EEA1: variants seen among roughly 807,000 people sequenced by gnomAD.
EEA1 encodes early endosome antigen 1, 162kD.
A neutral mutation model predicts 209.2 loss-of-function variants in EEA1; 111 were observed. The observed-to-expected ratio is 0.53, with a 90% CI of 0.45 to 0.62. The LOEUF (loss-of-function observed/expected upper bound fraction) is 0.62, where lower values mean the gene tolerates loss of function less well. Among genes scored for constraint, EEA1 ranks in the 20% least tolerant of loss-of-function variants. EEA1 has a pLI of 0.00. For missense variants in EEA1, 1,343 were observed against 1,530.8 expected, an observed-to-expected ratio of 0.88 and a Z score of 2.05; for synonymous variants, 536 against 540.6, an observed-to-expected ratio of 0.99 and a Z score of 0.12.
intron 9 of EEA1, among the ~76,000 whole-genome samples, chr12:92,848,281 G>A (rs1443115162): frequency 6.6e-6 from 1 of 150,584 alleles, no homozygotes; most frequent in Non-Finnish European, 1.5e-5. Flanking sequence ...TGCAGGAGGA[G>A]ACGATGGAGG....
chr12:92,832,386 TAA>T, intron 11 of EEA1, 124 bp downstream of exon 11: 3 of 913,338 alleles, frequency 3.3e-6, no homozygotes, highest in African/African-American at 3.4e-5. Context: ...ATATAAAAGT[TAA>T]GAGTTAATCT....
intron 11 of EEA1, 105 bp downstream of exon 11, chr12:92,832,407 G>A (rs899652054): frequency 5.5e-6 from 6 of 1,086,948 alleles, no homozygotes; most frequent in Non-Finnish European, 6.5e-6. Context: ...CTTTTAAAAT[G>A]ACAATATTTT....
rs2136716662 is a variant in EEA1, at chr12:92,858,689, C to G, written c.246-1204G>C. The G allele has an allele frequency of 5.4e-6, 4 of 737,314 alleles. No individual in the cohort carries two copies. In the East Asian group the frequency reaches 1.1e-4, roughly 20 times the overall value. The allele number at this position is 737,314 out of a possible 1,614,324, so 45.7% of individuals were successfully genotyped here. ...GCTATGCTTCCCATCAGAGTCCACA[C>G]AATTGTTATATCTGTTTGGCATGAT... On this transcript the variant is annotated intron_variant, in intron 3 of 28. Coordinates refer to ENST00000322349, the MANE Select transcript of EEA1 (RefSeq NM_003566.4).
At chr12:92,846,051 C>T (rs1020334268) in intron 9 of EEA1, among the ~76,000 whole-genome samples, 7 of 152,080 alleles carry the variant, frequency 4.6e-5, no homozygotes, top group Non-Finnish European at 1.0e-4. Flanking sequence ...CCTGCTGGTG[C>T]ATTAGAATTA....
At chr12:92,780,901 T>C (rs1273426111) in intron 23 of EEA1, among the ~76,000 whole-genome samples, 2 of 152,128 alleles carry the variant, frequency 1.3e-5, no homozygotes, top group Non-Finnish European at 2.9e-5. Flanking sequence ...TAAACTCCTA[T>C]AAACAACAGT....
In EEA1 at chr12:92,832,689, T is replaced by G; in HGVS notation, c.1077A>C (p.Ser359=). 6.2e-7 allele frequency: 1 copy of G among 1,614,028 alleles called. No individual in the cohort carries two copies. The highest frequency in any genetic ancestry group is 1.3e-5 in the African/African-American group (1 of 75,048). ...LQSRLSASET[S]LHRIHVELSE... is the part of the protein sequence containing the mutation. ...TTAGTTCTACATGTATTCTATGCAG[T>G]GAGGTTTCAGATGCAGACAATCTTG... The change falls in exon 11 of 29, where the codon TCA becomes TCC. Residue 359 remains serine, a synonymous_variant. Transcript: ENST00000322349.
intron 2 of EEA1, among the ~76,000 whole-genome samples, chr12:92,880,983 T>C (rs548700553): frequency 2.8e-4 from 42 of 152,142 alleles, no homozygotes; most frequent in Admixed American, 4.6e-4. Context: ...GCCTCATATA[T>C]TCTGAAATGA....
At chr12:92,857,156 C>A in intron 5 of EEA1, 119 bp downstream of exon 5, 2 of 649,098 alleles carry the variant, frequency 3.1e-6, no homozygotes, top group Non-Finnish European at 5.0e-6. Context: ...CACAGAGAAA[C>A]AAATTAGGAA....
intron 25 of EEA1, among the ~76,000 whole-genome samples, chr12:92,778,706 A>G (rs2136647698): frequency 6.6e-6 from 1 of 152,180 alleles, no homozygotes; most frequent in South Asian, 2.1e-4. Flanking sequence ...TGTGCAACTT[A>G]GGAAAGGAAA....
At chr12:92,808,525 C>CAAA (rs1875326984) in intron 18 of EEA1, among the ~76,000 whole-genome samples, 2 of 150,886 alleles carry the variant, frequency 1.3e-5, no homozygotes, top group Non-Finnish European at 2.9e-5. Flanking sequence ...CTTTGTCGCC[C>CAAA]AGGCTGGAGT....
intron 2 of EEA1, among the ~76,000 whole-genome samples, chr12:92,877,516 T>A (rs1878962523): frequency 6.6e-6 from 1 of 151,812 alleles, no homozygotes; most frequent in Non-Finnish European, 1.5e-5. Context: ...AGGTGATAAT[T>A]GAACTAAAAT....
chr12:92,789,992 C>T (rs1335829985), intron 21 of EEA1, among the ~76,000 whole-genome samples: 1 of 152,186 alleles, frequency 6.6e-6, no homozygotes, highest in Admixed American at 6.5e-5. Flanking sequence ...CTGGTGATAC[C>T]CAGGCAAACA....
At chr12:92,813,500 TG>T (rs1875623506) in intron 15 of EEA1, among the ~76,000 whole-genome samples, 1 of 152,158 alleles carries the variant, frequency 6.6e-6, no homozygotes, top group Non-Finnish European at 1.5e-5. Flanking sequence ...CAGAATTCAA[TG>T]ACTCAAAACA....
chr12:92,885,031 CT>C (rs973920915), intron 2 of EEA1, among the ~76,000 whole-genome samples: 1 of 143,930 alleles, frequency 6.9e-6, no homozygotes, highest in African/African-American at 2.6e-5. Flanking sequence ...GAATAAATGT[CT>C]TTTTTTAATG....
chr12:92,847,032 A>G (rs1330311826), intron 9 of EEA1, among the ~76,000 whole-genome samples: 1 of 152,108 alleles, frequency 6.6e-6, no homozygotes, highest in African/African-American at 2.4e-5. Context: ...GGCTCACTGC[A>G]ACCTCCACCT....
In EEA1 at chr12:92,899,587, C is replaced by G. The variant is rs529641112; in HGVS notation, c.25-7866G>C. 2.0e-5 allele frequency among the ~76,000 whole-genome samples: 3 copies of G among 152,354 alleles called. No individual in the cohort carries two copies. The South Asian group carries it at 6.2e-4, about 32-fold the overall frequency. On this transcript the variant is annotated intron_variant, in intron 1 of 28. Transcript: ENST00000322349. ...TGACATTCCTGATGCATTACACAGG[C>G]ACATTCATCCTGCTGACACTGTAAT...
At chr12:92,884,122 A>G in intron 2 of EEA1, 1 of 1,191,492 alleles carries the variant, frequency 8.4e-7, no homozygotes, top group Non-Finnish European at 1.2e-6. Flanking sequence ...ACAATGAAGA[A>G]CAACACCTAA....
intron 10 of EEA1, among the ~76,000 whole-genome samples, chr12:92,837,291 G>A (rs76838150): frequency 0.03 from 4,514 of 152,220 alleles, 98 homozygotes; most frequent in Non-Finnish European, 0.042. Context: ...GACTCTCAGA[G>A]GCTTAGTGTC....
intron 21 of EEA1, among the ~76,000 whole-genome samples, chr12:92,795,079 C>T (rs935229117): frequency 1.3e-5 from 2 of 152,136 alleles, no homozygotes; most frequent in Non-Finnish European, 2.9e-5. Flanking sequence ...TAGTCAAACC[C>T]CACCATTCTC....
Sources: gnomAD v4.1 joint callset for allele counts (sites outside exome capture counted in the v4.1 genomes callset) on GRCh38, gnomAD v4.1.1 for gene constraint, MANE v1.5 for transcripts, NCBI Gene and HGNC (gene_info 2026-07-23, HGNC 2026-07-21) for gene names.